ZBTB47: variants seen among roughly 807,000 people sequenced by gnomAD.
The protein encoded by ZBTB47 is zinc finger and BTB domain-containing protein 47.
Under a neutral mutation model 56.6 loss-of-function variants are expected in ZBTB47, and 24 were observed. The ratio of observed to expected loss-of-function variants is 0.42; its 90% CI spans 0.31 to 0.60. The LOEUF (loss-of-function observed/expected upper bound fraction) is 0.60, where lower values mean the gene tolerates loss of function less well. ZBTB47 is among the 20% of genes least tolerant of loss of function. The pLI is 0.14. For synonymous variants in ZBTB47, 414 were observed against 418.9 expected, an observed-to-expected ratio of 0.99 and a Z score of 0.14; for missense variants, 829 against 1,032.6, an observed-to-expected ratio of 0.80 and a Z score of 2.70.
In ZBTB47 at chr3:42,664,845, T is replaced by TC; in HGVS notation, c.*247_*248insC. On this transcript the variant is annotated 3_prime_UTR_variant, in exon 6 of 6. Coordinates refer to ENST00000232974, the MANE Select transcript of ZBTB47 (RefSeq NM_145166.4). ...TCTGTGACTCCTTGAAGCCTTTACT[T>TC]TTTTTTTTTTTTGGAAGTGAAGGAA... 2.9e-6 allele frequency: 1 copy of TC among 340,834 alleles called. No individual in the cohort carries two copies. 21.1% of individuals were successfully genotyped at this position (340,834 alleles called of 1,614,324 possible).
Position 42,663,891 on chromosome 3 carries a change from A to G in ZBTB47, c.1832A>G (p.Lys611Arg). ...HKQFMCQWCG[K>R]DFNMKQYFDE... ...CAGTTCATGTGCCAATGGTGCGGCA[A>G]GGACTTCAACATGAAGCAGTACTTC... is the stretch of plus-strand genomic sequence containing the variant. Residue 611 changes from lysine to arginine, a missense_variant, in exon 5 of 6, where the codon AAG becomes AGG. Lys to Arg is a conservative substitution (Grantham distance 26). Transcript: ENST00000232974. This position sits in a 1 kb window ranked among gnomAD's most constrained non-coding sequence, Gnocchi z 5.1. 3.1e-6 allele frequency: 5 copies of G among 1,613,872 alleles called. No homozygotes were observed. The highest frequency in any genetic ancestry group is 4.2e-6 in the Non-Finnish European group (5 of 1,179,876).
In ZBTB47 at chr3:42,658,721, G is replaced by A. The variant is rs1227531462; in HGVS notation, c.366G>A (p.Val122=). ...TAGGCCCACCAGGTCCGGGCACTGT[G>A]GCCCTGGCCCAGCCGGCTGCCAGCT... ...RSLGPPGPGT[V]ALAQPAASCT... is the part of the protein sequence containing the mutation. Residue 122 remains valine, a synonymous_variant, in exon 2 of 6, where the codon GTG becomes GTA. Transcript: ENST00000232974. 2.0e-6 allele frequency: 3 copies of A among 1,534,054 alleles called. No individual in the cohort carries two copies. The highest frequency in any genetic ancestry group is 2.6e-6 in the Non-Finnish European group (3 of 1,145,498).
chr3:42,659,253 CGGGAGG>C lies in ZBTB47; in HGVS notation c.899_904del (p.Arg300_Glu302delinsGln). 2.0e-6 allele frequency: 3 copies of C among 1,520,456 alleles called. No homozygotes were observed. The highest frequency in any genetic ancestry group is 1.9e-4 in the Middle Eastern group (1 of 5,204). 94.2% of individuals were successfully genotyped at this position (1,520,456 alleles called of 1,614,324 possible). On this transcript the variant is annotated inframe_deletion, in exon 2 of 6. Coordinates refer to ENST00000232974, the MANE Select transcript of ZBTB47 (RefSeq NM_145166.4). ...GGAAGAGGAAGGTGGTGGCAGTGGACGGGAGGAGGAGGAGGAGGAAGAGGGTGGCAG... is the reference window on the plus strand; with the variant it reads ...GGAAGAGGAAGGTGGTGGCAGTGGACAGGAGGAGGAGGAAGAGGGTGGCAG...
chr3:42,657,102 G>T (rs1175050012), intron 1 of ZBTB47, among the ~76,000 whole-genome samples: 1 of 152,216 alleles, frequency 6.6e-6, no homozygotes, highest in Non-Finnish European at 1.5e-5. Flanking sequence ...GATGGTTCTC[G>T]TGCAGGGACT....
chr3:42,655,631 C>A (rs1321733183), intron 1 of ZBTB47, among the ~76,000 whole-genome samples: 1 of 152,222 alleles, frequency 6.6e-6, no homozygotes. Flanking sequence ...GAGGGGCACG[C>A]ATTGCTTCCG....
rs1278179986 is a variant in ZBTB47, at chr3:42,658,490, C to T, written c.135C>T (p.Leu45=). ...CCTACAGCCAGTTCTTCCACTCACT[C>T]TTCACCCAGAACAAGCAGCTGCAGC... The part of the protein sequence containing the change: ...LAAYSQFFHS[L]FTQNKQLQRV... The change falls in exon 2 of 6, where the codon CTC becomes CTT. Residue 45 remains leucine, a synonymous_variant. Transcript: ENST00000232974. 6 of 1,537,224 alleles carry T rather than the reference C, an allele frequency of 3.9e-6. No individual in the cohort carries two copies. The highest frequency in any genetic ancestry group is 5.2e-6 in the Non-Finnish European group (6 of 1,146,928).
In ZBTB47 at chr3:42,663,397, A is replaced by G. The variant is rs1710745328; in HGVS notation, c.1737+270A>G. ...GTGTGTGGGCTACAGCCCTAGGAGC[A>G]GGCTTTCTGGGGAGGCAGATTCAGG... On this transcript the variant is annotated intron_variant, in intron 4 of 5. Coordinates refer to ENST00000232974, the MANE Select transcript of ZBTB47 (RefSeq NM_145166.4). This position sits in a 1 kb window ranked among gnomAD's most constrained non-coding sequence, Gnocchi z 5.1. Among the ~76,000 whole-genome samples the G allele has an allele frequency of 6.6e-6, 1 of 152,034 alleles. No individual in the cohort carries two copies. Among genetic ancestry groups the G allele is most frequent in the African/African-American group, 2.4e-5 (1 of 41,402 alleles).
chr3:42,663,866 C>T lies in ZBTB47; in HGVS notation c.1807C>T (p.Gln603Ter). 6.2e-7 allele frequency: 1 copy of T among 1,613,928 alleles called. No homozygotes were observed. Among genetic ancestry groups the T allele is most frequent in the Non-Finnish European group, 8.5e-7 (1 of 1,179,922 alleles). The change falls in exon 5 of 6, where the codon CAG (glutamine) becomes TAG (stop). Residue 603 changes from glutamine (Q) to a stop codon, truncating the protein, a stop_gained. Coordinates refer to ENST00000232974, the MANE Select transcript of ZBTB47 (RefSeq NM_145166.4). LOFTEE classifies it high-confidence loss of function. This position sits in a 1 kb window ranked among gnomAD's most constrained non-coding sequence, Gnocchi z 5.1. Reference sequence around the variant, plus strand: ...CATGAGCATCCACATTGGCCACAAGCAGTTCATGTGCCAATGGTGCGGCAA... The same window carrying T: ...CATGAGCATCCACATTGGCCACAAGTAGTTCATGTGCCAATGGTGCGGCAA... ...SHMSIHIGHK[Q>*]FMCQWCGKDF... is the part of the protein sequence containing the mutation.
chr3:42,665,111 TGAG>T lies in ZBTB47; in HGVS notation c.*518_*520del, dbSNP rs1483700039. ...GTTGGCGTGCCACCCCCACAACCCC[TGAG>T]GAGGTGTAGACCCAGTCTGAGAGCC... On this transcript the variant is annotated 3_prime_UTR_variant, in exon 6 of 6. Transcript: ENST00000232974. 6.6e-6 allele frequency: 1 copy of T among 152,650 alleles called. No individual in the cohort carries two copies. The highest frequency in any genetic ancestry group is 2.4e-5 in the African/African-American group (1 of 41,436). 9.5% of individuals were successfully genotyped at this position (152,650 alleles called of 1,614,324 possible). A position where few individuals can be genotyped will look rare whatever the true frequency, so the allele number is the denominator to read the frequency against.
Position 42,664,286 on chromosome 3 carries a change from G to A in ZBTB47, c.1932G>A (p.Arg644=), listed in dbSNP as rs772436338. ...CEICGKSFTS[R]PNMKRHRRTH... ...TCTGTGGCAAGAGCTTCACCAGCCG[G>A]CCCAACATGAAGCGGCACCGGCGCA... The change falls in exon 6 of 6, where the codon CGG becomes CGA. Residue 644 remains arginine (R), a synonymous_variant. Coordinates refer to ENST00000232974, the MANE Select transcript of ZBTB47 (RefSeq NM_145166.4). The A allele has an allele frequency of 6.2e-7, 1 of 1,613,706 alleles. No homozygotes were observed. The highest frequency in any genetic ancestry group is 2.2e-5 in the East Asian group (1 of 44,866).
chr3:42,664,276 T>C lies in ZBTB47; in HGVS notation c.1922T>C (p.Phe641Ser), dbSNP rs567658502. 1 of 1,613,640 alleles carries C rather than the reference T, an allele frequency of 6.2e-7. No homozygotes were observed. The highest frequency in any genetic ancestry group is 1.3e-5 in the African/African-American group (1 of 75,008). ...PYICEICGKS[F>S]TSRPNMKRHR... The stretch of plus-strand genomic sequence containing the variant: ...ATCTGCGAGATCTGTGGCAAGAGCT[T>C]CACCAGCCGGCCCAACATGAAGCGG... Residue 641 changes from phenylalanine to serine, a missense_variant, in exon 6 of 6, where the codon TTC becomes TCC. Phe to Ser is a radical substitution (Grantham distance 155, BLOSUM62 -2). Transcript: ENST00000232974.
Position 42,664,518 on chromosome 3 carries a change from C to T in ZBTB47, c.2164C>T (p.Pro722Ser), listed in dbSNP as rs951247516. The change falls in exon 6 of 6, where the codon CCC becomes TCC. Residue 722 changes from proline (P) to serine (S), a missense_variant. Transcript: ENST00000232974. The part of the protein sequence containing the change: ...LLPGLPQTLP[P>S]PPHLPPPPPL... The stretch of plus-strand genomic sequence containing the variant: ...CCCGGGGCTGCCCCAGACCCTGCCG[C>T]CCCCGCCCCACCTGCCGCCCCCGCC... 5 of 1,416,318 alleles carry T rather than the reference C, an allele frequency of 3.5e-6. No individual in the cohort carries two copies. Among genetic ancestry groups the T allele is most frequent in the South Asian group, 3.0e-5 (2 of 67,064 alleles). The allele number at this position is 1,416,318 out of a possible 1,614,324, so 87.7% of individuals were successfully genotyped here. A position where few individuals can be genotyped will look rare whatever the true frequency, so the allele number is the denominator to read the frequency against.
At chr3:42,661,792 C>T (rs1443237081) in intron 3 of ZBTB47, among the ~76,000 whole-genome samples, 160 bp downstream of exon 3, 1 of 152,200 alleles carries the variant, frequency 6.6e-6, no homozygotes, top group East Asian at 1.9e-4. Flanking sequence ...GCAGGTGTAG[C>T]CTGGACAGGC....
rs1478773841 is a variant in ZBTB47 at position 42,659,304 on chromosome 3, G to A, written c.949G>A (p.Glu317Lys). The change falls in exon 2 of 6, where the codon GAG (glutamate) becomes AAG (lysine). Residue 317 changes from glutamate to lysine, a missense_variant. Glu to Lys is a moderately conservative substitution (Grantham distance 56, BLOSUM62 1). Coordinates refer to ENST00000232974, the MANE Select transcript of ZBTB47 (RefSeq NM_145166.4). Reference protein sequence around the residue: ...EGGSQGEEEEEEEDGHSEQEE... With the variant: ...EGGSQGEEEEKEEDGHSEQEE... The stretch of plus-strand genomic sequence containing the variant: ...TGGCAGTCAGGGAGAAGAGGAAGAA[G>A]AGGAGGAGGACGGGCACAGTGAGCA... 1 of 1,482,022 alleles carries A rather than the reference G, an allele frequency of 6.7e-7. No homozygotes were observed. The highest frequency in any genetic ancestry group is 2.0e-5 in the Admixed American group (1 of 50,594). 91.8% of individuals were successfully genotyped at this position (1,482,022 alleles called of 1,614,324 possible). A position where few individuals can be genotyped will look rare whatever the true frequency, so the allele number is the denominator to read the frequency against.
rs910129639 is a variant in ZBTB47, at chr3:42,665,384, C to G, written c.*786C>G. On this transcript the variant is annotated 3_prime_UTR_variant, in exon 6 of 6. Transcript: ENST00000232974. ...CCCCAGAAGCTGCTGTGCCTCACAG[C>G]GCTGTGAGCCAGACCCTCCTTGGGC... is the stretch of plus-strand genomic sequence containing the variant. 6.5e-6 allele frequency: 1 copy of G among 152,862 alleles called. No homozygotes were observed. The highest frequency in any genetic ancestry group is 2.1e-4 in the South Asian group (1 of 4,828). 9.5% of individuals were successfully genotyped at this position (152,862 alleles called of 1,614,324 possible).
rs1359388474 is a variant in ZBTB47, at chr3:42,658,736, G to A, written c.381G>A (p.Pro127=). ...PGPGTVALAQ[P]AASCTPAAPP... ...CGGGCACTGTGGCCCTGGCCCAGCC[G>A]GCTGCCAGCTGCACTCCAGCTGCGC... Residue 127 remains proline, a synonymous_variant, in exon 2 of 6, where the codon CCG becomes CCA. Coordinates refer to ENST00000232974, the MANE Select transcript of ZBTB47 (RefSeq NM_145166.4). 7.2e-6 allele frequency: 11 copies of A among 1,532,474 alleles called. No individual in the cohort carries two copies. The highest frequency in any genetic ancestry group is 4.9e-5 in the East Asian group (2 of 40,798). 94.9% of individuals were successfully genotyped at this position (1,532,474 alleles called of 1,614,324 possible). A position where few individuals can be genotyped will look rare whatever the true frequency, so the allele number is the denominator to read the frequency against.
At position 42,658,368 on chromosome 3, in the gene ZBTB47, A is replaced by C; in HGVS notation, c.13A>C (p.Asn5His). 6.5e-7 allele frequency: 1 copy of C among 1,533,964 alleles called. No homozygotes were observed. Among genetic ancestry groups the C allele is most frequent in the Non-Finnish European group, 8.7e-7 (1 of 1,144,840 alleles). The change falls in exon 2 of 6, where the codon AAC becomes CAC. Residue 5 changes from asparagine to histidine, a missense_variant. This residue lies in a region of ZBTB47 where 120 missense variants were observed against 200.2 expected (regional missense o/e 0.60). Coordinates refer to ENST00000232974, the MANE Select transcript of ZBTB47 (RefSeq NM_145166.4). Reference sequence around the variant, plus strand: ...CTTTGCCTGCTTGATGGGCCGCCTGAACGAGCAGCGCCTCTTCCAGCCTGA... The same window carrying C: ...CTTTGCCTGCTTGATGGGCCGCCTGCACGAGCAGCGCCTCTTCCAGCCTGA... MGRL[N>H]EQRLFQPDLC...
chr3:42,655,610 A>G (rs906228929), intron 1 of ZBTB47, among the ~76,000 whole-genome samples: 2 of 152,190 alleles, frequency 1.3e-5, no homozygotes, highest in East Asian at 1.9e-4. Context: ...CAGCTGGCAC[A>G]GCCGGATGGG....
rs906135699 is a variant in ZBTB47, at chr3:42,664,451, C to T, written c.2097C>T (p.Gly699=). 5.2e-6 allele frequency: 8 copies of T among 1,526,482 alleles called. No individual in the cohort carries two copies. The African/African-American group carries it at 1.1e-4, about 21-fold the overall frequency. 94.6% of individuals were successfully genotyped at this position (1,526,482 alleles called of 1,614,324 possible). Residue 699 remains glycine, a synonymous_variant, in exon 6 of 6, where the codon GGC becomes GGT. Coordinates refer to ENST00000232974, the MANE Select transcript of ZBTB47 (RefSeq NM_145166.4). ...GCGACGGCGTCCCCGCTGCCCCAGGCCTGCCCCCAACCCAGCCCCAGGCGC... is the reference window on the plus strand; with the variant it reads ...GCGACGGCGTCCCCGCTGCCCCAGGTCTGCCCCCAACCCAGCCCCAGGCGC... The part of the protein sequence containing the change: ...LAGDGVPAAP[G]LPPTQPQAHA...
Sources: allele counts gnomAD v4.1 joint callset (sites outside exome capture counted in the v4.1 genomes callset), GRCh38; gene constraint gnomAD v4.1.1; regional missense constraint gnomAD v4.1.1; non-coding constraint Gnocchi (gnomAD v3.1); transcripts MANE v1.5; gene names NCBI Gene and HGNC (gene_info 2026-07-23, HGNC 2026-07-21).